The following PCDHGB3 variants were observed in gnomAD, a reference collection of about 807,000 sequenced individuals.
PCDHGB3 encodes the protein protocadherin gamma subfamily B, 3.
Under a neutral mutation model 59.2 loss-of-function variants are expected in PCDHGB3, and 40 were observed. The ratio of observed to expected loss-of-function variants is 0.68; its 90% CI spans 0.52 to 0.88. The LOEUF (loss-of-function observed/expected upper bound fraction) is 0.88, where lower values mean the gene tolerates loss of function less well. PCDHGB3 is among the 40% of genes least tolerant of loss of function. PCDHGB3 has a pLI of 0.00. For synonymous variants in PCDHGB3, 581 were observed against 503.6 expected, an observed-to-expected ratio of 1.15 and a Z score of -2.06; for missense variants, 1,309 against 1,187.9, an observed-to-expected ratio of 1.10 and a Z score of -1.50.
intron 2 of PCDHGB3, among the ~76,000 whole-genome samples, chr5:141,505,145 G>A (rs540889707): frequency 1.3e-5 from 2 of 152,288 alleles, no homozygotes; most frequent in East Asian, 3.9e-4. Flanking sequence ...CTGGATGACA[G>A]AGTAAGACCC....
At chr5:141,404,580 G>C (rs769739876) in intron 1 of PCDHGB3, 2 of 1,613,866 alleles carry the variant, frequency 1.2e-6, no homozygotes, top group Non-Finnish European at 1.7e-6. Context: ...CCACCACTTA[G>C]CAGCAATGTG....
intron 1 of PCDHGB3, chr5:141,478,018 C>G: frequency 6.2e-7 from 1 of 1,614,124 alleles, no homozygotes; most frequent in Non-Finnish European, 8.5e-7. Flanking sequence ...CCCGTCCAGT[C>G]CAAGACACAG....
chr5:141,420,251 G>A lies in PCDHGB3; in HGVS notation c.2415+47442G>A, dbSNP rs778777293. ...TAGCATTTTAACTCCCAGCGTTGAA[G>A]CAGATAAGAAGATTCTTAAACAGGT... is the stretch of plus-strand genomic sequence containing the variant. On this transcript the variant is annotated intron_variant, in intron 1 of 3. Transcript: ENST00000576222. The A allele has an allele frequency of 2.9e-5, 46 of 1,578,746 alleles. No homozygotes were observed. In the South Asian group the frequency reaches 4.5e-4, roughly 15 times the overall value.
In PCDHGB3 at chr5:141,371,970, C is replaced by T; in HGVS notation, c.1576C>T (p.Arg526Cys). The change falls in exon 1 of 4, where the codon CGT (arginine) becomes TGT (cysteine). Residue 526 changes from arginine (R) to cysteine (C), a missense_variant. Coordinates refer to ENST00000576222, the MANE Select transcript of PCDHGB3 (RefSeq NM_018924.5). ...AQRAFDHEQLRAFELTLQARD... is the reference protein window; with the variant it reads ...AQRAFDHEQLCAFELTLQARD... The stretch of plus-strand genomic sequence containing the variant: ...GCGAGCCTTCGACCACGAGCAGCTG[C>T]GTGCCTTCGAGCTCACTCTGCAGGC... The T allele has an allele frequency of 6.2e-7, 1 of 1,613,250 alleles. No individual in the cohort carries two copies. Among genetic ancestry groups the T allele is most frequent in the East Asian group, 2.2e-5 (1 of 44,880 alleles).
At chr5:141,395,558 G>T (rs60237573) in intron 1 of PCDHGB3, 12 of 127,934 alleles carry the variant, frequency 9.4e-5, no homozygotes, top group African/African-American at 5.1e-4. Context: ...GTGTGTGTGT[G>T]TGTGTGTGTG....
chr5:141,374,090 C>T, intron 1 of PCDHGB3: 1 of 1,535,464 alleles, frequency 6.5e-7, no homozygotes, highest in Non-Finnish European at 8.8e-7. Context: ...AGTAATGGCG[C>T]CTCCGCAGAG....
chr5:141,423,514 G>T (rs1208270970), intron 1 of PCDHGB3: 2 of 1,613,812 alleles, frequency 1.2e-6, no homozygotes, highest in Non-Finnish European at 1.7e-6. Flanking sequence ...TCTCATTGCG[G>T]ACTCGCAGAA....
Position 141,432,038 on chromosome 5 carries a change from C to G in PCDHGB3, c.2415+59229C>G, listed in dbSNP as rs202246871. ...CAACATCACAGTGACCGCCACTGAC[C>G]GGGGAACCCCGCCCCTATCCACGGA... On this transcript the variant is annotated intron_variant, in intron 1 of 3. Transcript: ENST00000576222. This position sits in a 1 kb window ranked among gnomAD's most constrained non-coding sequence, Gnocchi z 6.0. 2 of 1,614,190 alleles carry G rather than the reference C, an allele frequency of 1.2e-6. No homozygotes were observed. The highest frequency in any genetic ancestry group is 8.5e-7 in the Non-Finnish European group (1 of 1,180,032).
rs758439978 is a variant in PCDHGB3 at position 141,415,219 on chromosome 5, T to C, written c.2415+42410T>C. ...CCAAGTCCTGGCGGACCTCGGCAGC[T>C]TCGAGTCTCCAGCTAACTCTGAAAC... On this transcript the variant is annotated intron_variant, in intron 1 of 3. Coordinates refer to ENST00000576222, the MANE Select transcript of PCDHGB3 (RefSeq NM_018924.5). 42 of 1,613,954 alleles carry C rather than the reference T, an allele frequency of 2.6e-5. No individual in the cohort carries two copies. Among genetic ancestry groups the C allele is most frequent in the South Asian group, 9.9e-5 (9 of 91,088 alleles).
rs536487253 is a variant in PCDHGB3, at chr5:141,372,294, G to C, written c.1900G>C (p.Asp634His). Reference sequence around the variant, plus strand: ...GGTGCGCACGGCGCGTACCTTGGGCGACAGGGAGGCCGCCCGCCAGCGCCT... The same window carrying C: ...GGTGCGCACGGCGCGTACCTTGGGCCACAGGGAGGCCGCCCGCCAGCGCCT... ...GEVRTARTLG[D>H]REAARQRLLV... The change falls in exon 1 of 4, where the codon GAC (aspartate) becomes CAC (histidine). Residue 634 changes from aspartate (D) to histidine (H), a missense_variant. Asp to His is a moderately conservative substitution (Grantham distance 81). Transcript: ENST00000576222. 1 of 1,613,280 alleles carries C rather than the reference G, an allele frequency of 6.2e-7. No individual in the cohort carries two copies. Among genetic ancestry groups the C allele is most frequent in the Non-Finnish European group, 8.5e-7 (1 of 1,179,884 alleles).
chr5:141,455,388 A>C (rs1415223043), intron 1 of PCDHGB3, among the ~76,000 whole-genome samples: 1 of 152,086 alleles, frequency 6.6e-6, no homozygotes, highest in Non-Finnish European at 1.5e-5. Context: ...AGAAGGAAGG[A>C]GCTCCCCCTT....
In PCDHGB3 at chr5:141,382,780, A is replaced by G. The variant is rs1050419701; in HGVS notation, c.2415+9971A>G. On this transcript the variant is annotated intron_variant, in intron 1 of 3. Coordinates refer to ENST00000576222, the MANE Select transcript of PCDHGB3 (RefSeq NM_018924.5). ...CCCTCTTCCAGGCTGCACTAAACTC[A>G]AGCCTCTATCCTGCTGGATTCTGAG... 10 of 836,240 alleles carry G rather than the reference A, an allele frequency of 1.2e-5. No homozygotes were observed. The South Asian group carries it at 2.0e-4, about 17-fold the overall frequency. 51.8% of individuals were successfully genotyped at this position (836,240 alleles called of 1,614,324 possible). A position where few individuals can be genotyped will look rare whatever the true frequency, so the allele number is the denominator to read the frequency against.
At chr5:141,399,010 G>C in intron 1 of PCDHGB3, 1 of 1,613,844 alleles carries the variant, frequency 6.2e-7, no homozygotes, top group Non-Finnish European at 8.5e-7. Flanking sequence ...TTCAAAGAGC[G>C]GAGAAATTAC....
rs762314174 is a variant in PCDHGB3, at chr5:141,404,905, GCC to G, written c.2415+32100_2415+32101del. The G allele has an allele frequency of 1.9e-6, 3 of 1,613,910 alleles. No homozygotes were observed. In the South Asian group the frequency reaches 3.3e-5, roughly 18 times the overall value. On this transcript the variant is annotated intron_variant, in intron 1 of 3. Coordinates refer to ENST00000576222, the MANE Select transcript of PCDHGB3 (RefSeq NM_018924.5). ...TGGTGGCTGTACAGGACCATGGCCA[GCC>G]CCCTCTCTCGGCCACTGTCACGCTC...
chr5:141,473,930 G>T (rs966856411), intron 1 of PCDHGB3, among the ~76,000 whole-genome samples: 3 of 152,156 alleles, frequency 2.0e-5, no homozygotes, highest in Admixed American at 6.5e-5. Flanking sequence ...TGAGCTGGGT[G>T]CAGTAGCTCA....
intron 1 of PCDHGB3, chr5:141,413,078 C>T: frequency 7.7e-7 from 1 of 1,301,152 alleles, no homozygotes; most frequent in Non-Finnish European, 1.1e-6. Flanking sequence ...AGTGCCCAGG[C>T]TACAGAGACA....
At chr5:141,435,954 G>A (rs1163590812) in intron 1 of PCDHGB3, among the ~76,000 whole-genome samples, 2 of 152,092 alleles carry the variant, frequency 1.3e-5, no homozygotes, top group African/African-American at 2.4e-5. Flanking sequence ...AAAAAAGGGG[G>A]CAAAATATAG....
chr5:141,488,807 C>G (rs2099679535), intron 1 of PCDHGB3, among the ~76,000 whole-genome samples: 1 of 152,170 alleles, frequency 6.6e-6, no homozygotes, highest in Non-Finnish European at 1.5e-5. Flanking sequence ...TGAGTACCAT[C>G]TGAGCTGTCA....
intron 1 of PCDHGB3, among the ~76,000 whole-genome samples, chr5:141,429,387 T>TAA (rs11410533): frequency 2.6e-5 from 4 of 151,334 alleles, no homozygotes; most frequent in African/African-American, 4.9e-5. Flanking sequence ...GTTTTTTTTT[T>TAA]AAAAAAAATT....
Sources: gnomAD v4.1 joint callset for allele counts (sites outside exome capture counted in the v4.1 genomes callset) on GRCh38, gnomAD v4.1.1 for gene constraint, Gnocchi (gnomAD v3.1) non-coding constraint, MANE v1.5 for transcripts, NCBI Gene and HGNC (gene_info 2026-07-23, HGNC 2026-07-21) for gene names.